TMPRSS9: variants seen among roughly 807,000 people sequenced by gnomAD.
TMPRSS9 encodes transmembrane serine protease 9.
TMPRSS9 carries 113 observed loss-of-function variants against 111.4 expected under a neutral mutation model. That is an observed-to-expected ratio of 1.01 (90% CI 0.87 to 1.19). TMPRSS9 has a LOEUF of 1.19. Among genes scored for constraint, TMPRSS9 ranks in the 50% most tolerant of loss-of-function variants. The probability of loss-of-function intolerance (pLI) is 0.00; values close to 1 mark genes in which losing one functional copy is unlikely to be tolerated. For missense variants in TMPRSS9, 1,803 were observed against 1,513.1 expected (o/e 1.19, Z -3.18); for synonymous variants, 805 against 659.1 (o/e 1.22, Z -3.39).
intron 1 of TMPRSS9, among the ~76,000 whole-genome samples, chr19:2,363,778 C>CTGTGTGTGTG (rs1491346219): frequency 8.7e-4 from 104 of 118,858 alleles, no homozygotes; most frequent in South Asian, 5.8e-3. Flanking sequence ...ATTCCAAGAA[C>CTGTGTGTGTG]TCTGTGTGTG....
At chr19:2,389,030 G>A (rs1449228001), upstream of TMPRSS9, among the ~76,000 whole-genome samples, 2 of 151,532 alleles carry the variant, frequency 1.3e-5, no homozygotes, top group African/African-American at 2.4e-5. Context: ...CGACCCACGG[G>A]AGTCCTCATC....
exon 14 of TMPRSS9, chr19:2,422,144 G>C (rs377421146): frequency 3.1e-6 from 5 of 1,590,904 alleles, no homozygotes; most frequent in Non-Finnish European, 2.6e-6. Flanking sequence ...GCAGGGTGAC[G>C]GGCCAACCTG....
chr19:2,418,054 A>G (rs761163059), exon 13 of TMPRSS9: 1 of 1,612,328 alleles, frequency 6.2e-7, no homozygotes, highest in Non-Finnish European at 8.5e-7. Flanking sequence ...TAGACCAGAA[A>G]ACCTGTAGTG....
chr19:2,426,238 A>AAGGTCATGGGGATGC, exon 18 of TMPRSS9: 5 of 870,088 alleles, frequency 5.7e-6, no homozygotes, highest in South Asian at 3.7e-5. Flanking sequence ...CCTTTGTTCC[A>AAGGTCATGGGGATGC]ATAAACACAG....
At chr19:2,386,446 A>T (rs1158164857), upstream of TMPRSS9, among the ~76,000 whole-genome samples, 15 of 150,180 alleles carry the variant, frequency 1.0e-4, no homozygotes, top group African/African-American at 3.2e-4. Flanking sequence ...CGGAGCTTGC[A>T]GTGAGCCGAG....
chr19:2,422,227 C>T, exon 14 of TMPRSS9: 4 of 1,512,160 alleles, frequency 2.6e-6, no homozygotes, highest in Non-Finnish European at 3.5e-6. Flanking sequence ...CCGGAGGCCA[C>T]CACACACACC....
intron 8 of TMPRSS9, among the ~76,000 whole-genome samples, chr19:2,409,980 G>T (rs559095104): frequency 6.6e-6 from 1 of 152,244 alleles, no homozygotes; most frequent in South Asian, 2.1e-4. Flanking sequence ...TGAGATCCCT[G>T]AGATGGGGAA....
intron 1 of TMPRSS9, among the ~76,000 whole-genome samples, chr19:2,372,838 T>G (rs1970300812): frequency 6.6e-6 from 1 of 152,146 alleles, no homozygotes; most frequent in South Asian, 2.1e-4. Flanking sequence ...TTAAAAAAAT[T>G]TATTTTTTCC....
upstream of TMPRSS9, among the ~76,000 whole-genome samples, chr19:2,386,133 C>T (rs550594736): frequency 2.6e-5 from 4 of 152,052 alleles, no homozygotes; most frequent in African/African-American, 7.2e-5. Context: ...TATTTTCTGT[C>T]GACATGGGGT....
intron 5 of TMPRSS9, among the ~76,000 whole-genome samples, chr19:2,402,459 G>T (rs1284147677): frequency 6.6e-6 from 1 of 151,580 alleles, no homozygotes; most frequent in Non-Finnish European, 1.5e-5. Flanking sequence ...AATACATAAG[G>T]CCGGGCGCAC....
chr19:2,391,961 CA>C (rs1970607589), intron 1 of TMPRSS9, among the ~76,000 whole-genome samples: 1 of 151,940 alleles, frequency 6.6e-6, no homozygotes, highest in African/African-American at 2.4e-5. Context: ...AGGATGGTCT[CA>C]AACTGCTGAC....
intron 4 of TMPRSS9, among the ~76,000 whole-genome samples, chr19:2,400,326 C>A (rs1173930724): frequency 1.3e-5 from 2 of 151,306 alleles, no homozygotes; most frequent in Non-Finnish European, 2.9e-5. Context: ...CTGATCACTT[C>A]AGATCAGGAG....
At chr19:2,381,083 C>T (rs1410512072) in intron 1 of TMPRSS9, among the ~76,000 whole-genome samples, 1 of 151,966 alleles carries the variant, frequency 6.6e-6, no homozygotes, top group Non-Finnish European at 1.5e-5. Flanking sequence ...TGGATCTGGG[C>T]CTCTTCCACT....
intron 1 of TMPRSS9, among the ~76,000 whole-genome samples, chr19:2,384,590 A>T (rs373813379): frequency 6.6e-6 from 1 of 151,278 alleles, no homozygotes; most frequent in African/African-American, 2.4e-5. Flanking sequence ...CCAAGGCGGG[A>T]GGATCACGAG....
Position 2,395,941 on chromosome 19 carries a change from C to G in TMPRSS9, c.143-598C>G, listed in dbSNP as rs1467367150. Among the ~76,000 whole-genome samples, 7 of 152,042 alleles carry G rather than the reference C, an allele frequency of 4.6e-5. No individual in the cohort carries two copies. In the South Asian group the frequency reaches 1.0e-3, roughly 23 times the overall value. ...GAGAATGGCATGAACCCGGGAGGCG[C>G]AGCTTGCAGTGAGCCGAGATTGCGC... On this transcript the variant is annotated intron_variant, in intron 1 of 17. Coordinates refer to ENST00000648592, the Ensembl canonical transcript of TMPRSS9.
At chr19:2,388,847 C>A (rs1469415979), upstream of TMPRSS9, among the ~76,000 whole-genome samples, 3 of 152,082 alleles carry the variant, frequency 2.0e-5, no homozygotes, top group East Asian at 5.8e-4. Flanking sequence ...TGGTCTCAAA[C>A]TCCTGGGCTC....
At chr19:2,425,845 C>A in intron 17 of TMPRSS9, 82 bp from the exon 19 acceptor site, 2 of 1,471,386 alleles carry the variant, frequency 1.4e-6, no homozygotes, top group South Asian at 1.4e-5. Context: ...TCACTAGGGT[C>A]ACTCCTAGAG....
intron 15 of TMPRSS9, among the ~76,000 whole-genome samples, chr19:2,424,637 C>T (rs995532769): frequency 6.6e-6 from 1 of 151,936 alleles, no homozygotes; most frequent in East Asian, 1.9e-4. Flanking sequence ...AAAGCCCACC[C>T]AGTAGAAAGC....
Position 2,414,415 on chromosome 19 carries a change from T to C in TMPRSS9, c.1573+397T>C, listed in dbSNP as rs555036481. Among the ~76,000 whole-genome samples, 24 of 152,150 alleles carry C rather than the reference T, an allele frequency of 1.6e-4. No individual in the cohort carries two copies. The South Asian group carries it at 4.4e-3, about 28-fold the overall frequency. On this transcript the variant is annotated intron_variant, in intron 10 of 17. Transcript: ENST00000648592. ...CCACCACACCCGGCTAATTTTTGTA[T>C]TTTTAGTAGAGACGGGGTTTCCCCA...
Sources: gnomAD v4.1 joint callset for allele counts (sites outside exome capture counted in the v4.1 genomes callset) on GRCh38, gnomAD v4.1.1 for gene constraint, MANE v1.5 for transcripts, NCBI Gene and HGNC (gene_info 2026-07-23, HGNC 2026-07-21) for gene names.